TENM3: variants seen among roughly 807,000 people sequenced by gnomAD.
TENM3 encodes the protein teneurin-3.
TENM3 carries 63 observed loss-of-function variants against 255.1 expected under a neutral mutation model. The observed-to-expected ratio is 0.25, with a 90% CI of 0.20 to 0.30. The LOEUF (loss-of-function observed/expected upper bound fraction) is 0.30. Ranked by LOEUF, TENM3 falls within the 10% of genes least tolerant of loss-of-function variation. The probability of loss-of-function intolerance (pLI) is 1.00; values close to 1 mark genes in which losing one functional copy is unlikely to be tolerated. For synonymous variants in TENM3, 1,306 were observed against 1,322.3 expected, an observed-to-expected ratio of 0.99 and a Z score of 0.27; for missense variants, 2,929 against 3,461.1, an observed-to-expected ratio of 0.85 and a Z score of 3.86.
chr4:182,790,229 C>G (rs1765993112), intron 25 of TENM3, among the ~76,000 whole-genome samples: 1 of 152,108 alleles, frequency 6.6e-6, no homozygotes, highest in African/African-American at 2.4e-5. Context: ...GCTCTCAGAC[C>G]CCAGAGCATG....
the TENM3 span, among the ~76,000 whole-genome samples, chr4:182,104,112 A>C: frequency 6.6e-6 from 1 of 152,076 alleles, no homozygotes; most frequent in Non-Finnish European, 1.5e-5. Context: ...TGGTGTAAAC[A>C]CTCACACCAT....
rs1199997668 is a variant in TENM3 at position 182,161,710 on chromosome 4, CAT to C, written c.-76+16963_-76+16964del. On this transcript the variant is annotated intron_variant, in intron 1 of 2. Coordinates refer to the TENM3 transcript ENST00000512480. ...ACACAAATATATATGTATATATATACATATATATGTGTATATATATATACACA... is the reference window on the plus strand; with the variant it reads ...ACACAAATATATATGTATATATATACATATATGTGTATATATATATACACA... 9.2e-4 allele frequency among the ~76,000 whole-genome samples: 23 copies of C among 25,080 alleles called. 4 individuals carry two copies. Among genetic ancestry groups the C allele is most frequent in the African/African-American group, 4.6e-3 (23 of 5,024 alleles). 16.5% of individuals were successfully genotyped at this position (25,080 alleles called of 152,430 possible). A position where few individuals can be genotyped will look rare whatever the true frequency, so the allele number is the denominator to read the frequency against.
the TENM3 span, among the ~76,000 whole-genome samples, chr4:181,741,354 T>C: frequency 6.6e-6 from 1 of 152,204 alleles, no homozygotes; most frequent in East Asian, 1.9e-4. Context: ...TATGAAATTA[T>C]GCTTGAGATG....
At chr4:182,182,742 A>G (rs917075984) in intron 1 of TENM3, among the ~76,000 whole-genome samples, 9 of 152,190 alleles carry the variant, frequency 5.9e-5, no homozygotes, top group Non-Finnish European at 7.4e-5. Flanking sequence ...TTACCCCTCT[A>G]AAATGCCTGC....
At chr4:182,713,009 G>T (rs1213486510) in intron 12 of TENM3, among the ~76,000 whole-genome samples, 2 of 152,176 alleles carry the variant, frequency 1.3e-5, no homozygotes, top group African/African-American at 4.8e-5. Context: ...CTCATAAACA[G>T]ATCACATTGG....
chr4:182,087,265 A>G, the TENM3 span, among the ~76,000 whole-genome samples: 1 of 152,190 alleles, frequency 6.6e-6, no homozygotes, highest in Non-Finnish European at 1.5e-5. Flanking sequence ...GATTTACAAA[A>G]CACATTAATT....
chr4:181,901,122 C>T, the TENM3 span, among the ~76,000 whole-genome samples: 3 of 152,112 alleles, frequency 2.0e-5, no homozygotes, highest in Admixed American at 2.0e-4. Flanking sequence ...AATCATAGCC[C>T]TTCTATAACT....
rs112513068 is a variant in TENM3, at chr4:182,571,524, C to T, written c.512-29400C>T. Among the ~76,000 whole-genome samples, 130 of 152,180 alleles carry T rather than the reference C, an allele frequency of 8.5e-4. 1 individual carries two copies. Among genetic ancestry groups the T allele is most frequent in the Middle Eastern group, 3.4e-3 (1 of 292 alleles). Reference sequence around the variant, plus strand: ...CTGGGTGAGAAAGCAAGACCCTGCCCCACACATGCACACCCTGCCCCCACA... The same window carrying T: ...CTGGGTGAGAAAGCAAGACCCTGCCTCACACATGCACACCCTGCCCCCACA... On this transcript the variant is annotated intron_variant, in intron 3 of 27. Transcript: ENST00000511685.
the TENM3 span, among the ~76,000 whole-genome samples, chr4:181,864,583 T>A: frequency 6.6e-6 from 1 of 152,114 alleles, no homozygotes; most frequent in Non-Finnish European, 1.5e-5. Context: ...GGGAAACCGG[T>A]GTGGGTAACA....
the TENM3 span, among the ~76,000 whole-genome samples, chr4:181,844,664 T>A: frequency 6.7e-6 from 1 of 149,106 alleles, no homozygotes; most frequent in Non-Finnish European, 1.5e-5. Context: ...TGAGACTCCG[T>A]CTCAAAAAAA....
At chr4:182,662,215 GTCTC>G (rs995896216) in intron 6 of TENM3, among the ~76,000 whole-genome samples, 1 of 152,062 alleles carries the variant, frequency 6.6e-6, no homozygotes, top group Non-Finnish European at 1.5e-5. Context: ...TGCGTATGTG[GTCTC>G]TCTCTGTTTT....
the TENM3 span, among the ~76,000 whole-genome samples, chr4:181,466,006 C>T: frequency 2.0e-5 from 3 of 152,112 alleles, no homozygotes; most frequent in South Asian, 4.1e-4. Flanking sequence ...CATCAGAAGC[C>T]GCCTACATGC....
chr4:181,752,936 T>C, the TENM3 span, among the ~76,000 whole-genome samples: 1 of 152,216 alleles, frequency 6.6e-6, no homozygotes, highest in Non-Finnish European at 1.5e-5. Context: ...TTAAAACCTT[T>C]ACCTGCTGTC....
the TENM3 span, among the ~76,000 whole-genome samples, chr4:181,847,384 T>A: frequency 6.6e-6 from 1 of 152,148 alleles, no homozygotes; most frequent in East Asian, 1.9e-4. Context: ...AAGAGATAAC[T>A]ATTAAATTTG....
chr4:181,955,766 C>A, the TENM3 span, among the ~76,000 whole-genome samples: 1 of 152,060 alleles, frequency 6.6e-6, no homozygotes, highest in Non-Finnish European at 1.5e-5. Flanking sequence ...AGATTCAGAG[C>A]CATCTTGCAT....
the TENM3 span, among the ~76,000 whole-genome samples, chr4:181,504,618 GCAACTACAATC>G: frequency 6.6e-6 from 1 of 152,100 alleles, no homozygotes; most frequent in Non-Finnish European, 1.5e-5. Flanking sequence ...GTATTACAGT[GCAACTACAATC>G]CAGTTAGCTG....
At chr4:181,721,091 C>A in the TENM3 span, among the ~76,000 whole-genome samples, 3 of 149,728 alleles carry the variant, frequency 2.0e-5, no homozygotes, top group Admixed American at 1.3e-4. Context: ...GAATAGCATT[C>A]AGATAAATAC....
chr4:182,748,193 C>CTAAA (rs1762141201), intron 19 of TENM3, among the ~76,000 whole-genome samples: 1 of 152,134 alleles, frequency 6.6e-6, no homozygotes. Flanking sequence ...GTGTAATATA[C>CTAAA]TAAAGGTTCT....
At chr4:181,467,801 T>A in the TENM3 span, among the ~76,000 whole-genome samples, 1 of 152,130 alleles carries the variant, frequency 6.6e-6, no homozygotes, top group Non-Finnish European at 1.5e-5. Flanking sequence ...TGCTTTTTAG[T>A]GTTAAGTCTT....
Sources: allele counts gnomAD v4.1 joint callset (sites outside exome capture counted in the v4.1 genomes callset), GRCh38; gene constraint gnomAD v4.1.1; transcripts MANE v1.5; gene names NCBI Gene and HGNC (gene_info 2026-07-23, HGNC 2026-07-21).